PPP2R2B: variants seen among roughly 807,000 people sequenced by gnomAD.
The protein encoded by PPP2R2B is serine/threonine-protein phosphatase 2A 55 kDa regulatory subunit B beta isoform.
PPP2R2B carries 5 observed loss-of-function variants against 46.0 expected under a neutral mutation model. That is an observed-to-expected ratio of 0.11 (90% CI 0.06 to 0.23). The LOEUF (loss-of-function observed/expected upper bound fraction) is 0.23. Ranked by LOEUF, PPP2R2B falls within the 10% of genes least tolerant of loss-of-function variation. The probability of loss-of-function intolerance (pLI) is 1.00; values close to 1 mark genes in which losing one functional copy is unlikely to be tolerated. For synonymous variants in PPP2R2B, 215 were observed against 206.7 expected (o/e 1.04, Z -0.34); for missense variants, 367 against 575.0 (o/e 0.64, Z 3.70).
chr5:147,005,411 G>A (rs1210842086), intron 1 of PPP2R2B, among the ~76,000 whole-genome samples: 1 of 152,208 alleles, frequency 6.6e-6, no homozygotes, highest in East Asian at 1.9e-4. Context: ...AAGAATAAAT[G>A]TGTATACAGA....
intron 2 of PPP2R2B, among the ~76,000 whole-genome samples, chr5:147,069,596 G>A (rs1258553791): frequency 6.6e-6 from 1 of 151,874 alleles, no homozygotes; most frequent in Non-Finnish European, 1.5e-5. Context: ...TCTGTCCAGG[G>A]CCTTCACACT....
At chr5:146,665,634 A>G (rs1776937411) in intron 5 of PPP2R2B, among the ~76,000 whole-genome samples, 1 of 152,184 alleles carries the variant, frequency 6.6e-6, no homozygotes, top group African/African-American at 2.4e-5. Context: ...TCCTCCAAGA[A>G]CTTTTCCTTT....
chr5:147,062,146 C>T (rs1757278224), intron 2 of PPP2R2B, among the ~76,000 whole-genome samples: 1 of 152,140 alleles, frequency 6.6e-6, no homozygotes. Context: ...TGTTTGGATA[C>T]ACAAATGCTT....
At chr5:147,019,524 G>A (rs1467825621) in intron 1 of PPP2R2B, among the ~76,000 whole-genome samples, 1 of 152,096 alleles carries the variant, frequency 6.6e-6, no homozygotes, top group East Asian at 1.9e-4. Flanking sequence ...TGAAAGGATT[G>A]AGCTACAAAA....
At chr5:146,847,108 C>T (rs945450889) in intron 2 of PPP2R2B, among the ~76,000 whole-genome samples, 4 of 152,088 alleles carry the variant, frequency 2.6e-5, no homozygotes, top group Non-Finnish European at 4.4e-5. Flanking sequence ...TCTAGGCCAC[C>T]GTAATCTCTC....
chr5:147,073,260 A>G (rs1168551087), intron 2 of PPP2R2B, among the ~76,000 whole-genome samples: 2 of 152,222 alleles, frequency 1.3e-5, no homozygotes, highest in Non-Finnish European at 2.9e-5. Flanking sequence ...ATGCTTACAA[A>G]GAGAACAGGA....
intron 9 of PPP2R2B, among the ~76,000 whole-genome samples, chr5:146,590,739 C>T (rs569912885): frequency 6.6e-6 from 1 of 152,226 alleles, no homozygotes; most frequent in South Asian, 2.1e-4. Context: ...ATGCTAGTGG[C>T]ATCGTGCACG....
At chr5:147,057,773 G>A (rs748138385), upstream of PPP2R2B, among the ~76,000 whole-genome samples, 1 of 152,208 alleles carries the variant, frequency 6.6e-6, no homozygotes, top group Non-Finnish European at 1.5e-5. Flanking sequence ...GCTGCAGTTA[G>A]ACAGCCAGGG....
At chr5:146,854,659 TATATTA>T (rs1760544049) in intron 2 of PPP2R2B, among the ~76,000 whole-genome samples, 2 of 152,176 alleles carry the variant, frequency 1.3e-5, no homozygotes, top group South Asian at 4.1e-4. Context: ...ATTCTTACAT[TATATTA>T]AAACACAAGC....
At chr5:146,764,677 G>A (rs557816523) in intron 2 of PPP2R2B, among the ~76,000 whole-genome samples, 245 of 152,258 alleles carry the variant, frequency 1.6e-3, no homozygotes, top group African/African-American at 5.8e-3. Flanking sequence ...GGCAACCTCA[G>A]TGGGAATGTC....
intron 1 of PPP2R2B, among the ~76,000 whole-genome samples, chr5:146,986,760 G>A (rs550310725): frequency 6.6e-5 from 10 of 152,254 alleles, no homozygotes; most frequent in African/African-American, 2.4e-4. Flanking sequence ...ACACTTATGA[G>A]CTATATAAGA....
Position 146,878,618 on chromosome 5 carries a change from C to G in PPP2R2B, c.-152G>C. The G allele has an allele frequency of 8.0e-7, 1 of 1,243,244 alleles. No individual in the cohort carries two copies. The highest frequency in any genetic ancestry group is 1.6e-5 in the African/African-American group (1 of 63,804). 77.0% of individuals were successfully genotyped at this position (1,243,244 alleles called of 1,614,324 possible). On this transcript the variant is annotated 5_prime_UTR_variant, in exon 1 of 10. Transcript: ENST00000394411. This position sits in a 1 kb window ranked among gnomAD's most constrained non-coding sequence, Gnocchi z 4.5. ...GGCCGGAATGAGGGTGCTGGTCCCA[C>G]GGGAGGGCGGCTCCGGCAGGCGGGG... is the stretch of plus-strand genomic sequence containing the variant.
At position 146,586,608 on chromosome 5, in the gene PPP2R2B, T is replaced by G. The variant is rs1005152700; in HGVS notation, c.*3339A>C. 2.6e-5 allele frequency: 4 copies of G among 152,240 alleles called. No homozygotes were observed. The highest frequency in any genetic ancestry group is 5.9e-5 in the Non-Finnish European group (4 of 68,046). The allele number at this position is 152,240 out of a possible 1,614,324, so 9.4% of individuals were successfully genotyped here. Reference sequence around the variant, plus strand: ...ATTGGGCCACTGAGCTAGCAGAATTTTAGCTTCATCTTTATTCCACCTTGC... The same window carrying G: ...ATTGGGCCACTGAGCTAGCAGAATTGTAGCTTCATCTTTATTCCACCTTGC... On this transcript the variant is annotated 3_prime_UTR_variant, in exon 10 of 10. Transcript: ENST00000394411.
chr5:146,618,739 C>T (rs1160741298), intron 7 of PPP2R2B, among the ~76,000 whole-genome samples: 1 of 152,052 alleles, frequency 6.6e-6, no homozygotes, highest in Non-Finnish European at 1.5e-5. Flanking sequence ...CCCAGCTCAG[C>T]CACTCTTTCC....
chr5:146,660,115 A>G (rs1776582638), intron 5 of PPP2R2B, among the ~76,000 whole-genome samples: 1 of 152,198 alleles, frequency 6.6e-6, no homozygotes, highest in Non-Finnish European at 1.5e-5. Flanking sequence ...ATCTTGAACA[A>G]TATGGACGCT....
intron 2 of PPP2R2B, among the ~76,000 whole-genome samples, chr5:147,080,705 A>T (rs1173673835): frequency 6.6e-6 from 1 of 152,162 alleles, no homozygotes; most frequent in Non-Finnish European, 1.5e-5. Context: ...ATGGTCCTCC[A>T]CATAGAATGA....
At chr5:147,074,941 C>G (rs1268131543) in intron 2 of PPP2R2B, among the ~76,000 whole-genome samples, 2 of 152,042 alleles carry the variant, frequency 1.3e-5, no homozygotes, top group Non-Finnish European at 2.9e-5. Flanking sequence ...AATTATTTCC[C>G]ATGAATAAGA....
intron 1 of PPP2R2B, among the ~76,000 whole-genome samples, chr5:146,986,817 G>C (rs971338686): frequency 6.6e-6 from 1 of 152,086 alleles, no homozygotes; most frequent in African/African-American, 2.4e-5. Flanking sequence ...TAAAGTCGGA[G>C]TAGAAAAAGA....
At position 146,890,319 on chromosome 5, in the gene PPP2R2B, C is replaced by T. The variant is rs571504652; in HGVS notation, c.79+165346G>A. Among the ~76,000 whole-genome samples the T allele has an allele frequency of 8.9e-4, 136 of 152,316 alleles. 2 individuals are homozygous for T. The highest frequency in any genetic ancestry group is 3.1e-3 in the African/African-American group (128 of 41,566). Reference sequence around the variant, plus strand: ...GAGCTGTATCAGTCCTCCTGAGCCACGGCTGTAGAGGTCAGGTTGGAAGCC... The same window carrying T: ...GAGCTGTATCAGTCCTCCTGAGCCATGGCTGTAGAGGTCAGGTTGGAAGCC... On this transcript the variant is annotated intron_variant, in intron 1 of 8. Transcript: ENST00000336640.
Sources: allele counts gnomAD v4.1 joint callset (sites outside exome capture counted in the v4.1 genomes callset), GRCh38; gene constraint gnomAD v4.1.1; non-coding constraint Gnocchi (gnomAD v3.1); transcripts MANE v1.5; gene names NCBI Gene and HGNC (gene_info 2026-07-23, HGNC 2026-07-21).